The following SLC22A16 variants were observed in gnomAD, a reference collection of about 807,000 sequenced individuals.
SLC22A16 encodes the protein solute carrier family 22 member 16, also known as WUGSC:RG331P03.1.
In SLC22A16, 53 loss-of-function variants were observed where a neutral mutation model predicts 52.9. That is an observed-to-expected ratio of 1.00 (90% CI 0.80 to 1.26). The LOEUF (loss-of-function observed/expected upper bound fraction) is 1.26, where lower values mean the gene tolerates loss of function less well. SLC22A16 is among the 50% of genes most tolerant of loss of function. SLC22A16 has a pLI of 0.00. For missense variants in SLC22A16, 726 were observed against 704.0 expected, an observed-to-expected ratio of 1.03 and a Z score of -0.35; for synonymous variants, 291 against 268.8, an observed-to-expected ratio of 1.08 and a Z score of -0.81.
At chr6:110,429,809 T>C (rs751306252) in intron 7 of SLC22A16, among the ~76,000 whole-genome samples, 60 of 152,120 alleles carry the variant, frequency 3.9e-4, no homozygotes, top group Non-Finnish European at 7.2e-4. Context: ...GCTGGCCTCC[T>C]GGAAAGCGGA....
chr6:110,430,439 A>G (rs1312801774), intron 7 of SLC22A16, among the ~76,000 whole-genome samples: 1 of 152,008 alleles, frequency 6.6e-6, no homozygotes, highest in Non-Finnish European at 1.5e-5. Context: ...GGAATCCGGC[A>G]GCCTGAGTCT....
chr6:110,435,876 G>A lies in SLC22A16; in HGVS notation c.1397C>T (p.Ala466Val), dbSNP rs755106539. The A allele has an allele frequency of 8.1e-6, 13 of 1,612,914 alleles. No homozygotes were observed. The highest frequency in any genetic ancestry group is 1.7e-5 in the Admixed American group (1 of 59,940). ...AAFGLIYLYT[A>V]ELYPTIVRSL... ...CCTTACAATGGTTGGATACAGCTCA[G>A]CTGTATAAAGATAAATGAGGCCAAA... Residue 466 changes from alanine (A) to valine (V), a missense_variant, in exon 6 of 8, where the codon GCT becomes GTT. Physicochemically the swap from Ala to Val is moderately conservative, Grantham distance 64. Transcript: ENST00000368919.
At chr6:110,450,505 G>A (rs926236614) in intron 2 of SLC22A16, among the ~76,000 whole-genome samples, 1 of 151,340 alleles carries the variant, frequency 6.6e-6, no homozygotes, top group Non-Finnish European at 1.5e-5. Flanking sequence ...CCAGCTACTC[G>A]GGAGGCTGAG....
At chr6:110,446,463 G>A (rs958129822) in intron 3 of SLC22A16, among the ~76,000 whole-genome samples, 11 of 152,094 alleles carry the variant, frequency 7.2e-5, no homozygotes, top group East Asian at 1.9e-4. Flanking sequence ...CTAAACTGCC[G>A]TTCCTGGTAA....
chr6:110,452,480 A>G (rs187426474), intron 2 of SLC22A16, among the ~76,000 whole-genome samples: 1 of 152,244 alleles, frequency 6.6e-6, no homozygotes. Context: ...AATGCTAAGT[A>G]GAAGACATGT....
At chr6:110,430,298 C>A (rs970958173) in intron 7 of SLC22A16, among the ~76,000 whole-genome samples, 1 of 152,012 alleles carries the variant, frequency 6.6e-6, no homozygotes, top group African/African-American at 2.4e-5. Flanking sequence ...GTGTCACTGG[C>A]CAGTTCTACT....
chr6:110,460,269 A>G lies in SLC22A16; in HGVS notation c.54-3252T>C, dbSNP rs148792750. 2.3e-4 allele frequency among the ~76,000 whole-genome samples: 35 copies of G among 152,266 alleles called. No individual in the cohort carries two copies. The East Asian group carries it at 6.2e-3, about 27-fold the overall frequency. On this transcript the variant is annotated intron_variant, in intron 1 of 7. Coordinates refer to ENST00000368919, the MANE Select transcript of SLC22A16 (RefSeq NM_033125.4). Reference sequence around the variant, plus strand: ...TCTCAAGAGCCTCTATATTTTTACAAATTTTGAGGATTCCAAAAGGACTTT... The same window carrying G: ...TCTCAAGAGCCTCTATATTTTTACAGATTTTGAGGATTCCAAAAGGACTTT...
intron 3 of SLC22A16, 63 bp downstream of exon 3, chr6:110,446,810 T>C (rs1452888295): frequency 2.1e-6 from 3 of 1,410,368 alleles, no homozygotes; most frequent in Admixed American, 2.0e-5. Context: ...AGCAAAATGA[T>C]GAGAGTTAAG....
intron 2 of SLC22A16, 184 bp downstream of exon 2, chr6:110,456,354 A>G (rs1423514141): frequency 4.9e-6 from 4 of 809,058 alleles, no homozygotes; most frequent in Non-Finnish European, 7.8e-6. Context: ...GGATCTAGGT[A>G]TACTGTCTTC....
chr6:110,425,190 T>C, intron 7 of SLC22A16, 105 bp from the exon 8 acceptor site: 1 of 1,537,686 alleles, frequency 6.5e-7, no homozygotes, highest in African/African-American at 1.4e-5. Context: ...GATTTGAATT[T>C]GACATAACAG....
chr6:110,434,185 G>GCCAAGATCACACCAATT (rs1355529341), intron 6 of SLC22A16, among the ~76,000 whole-genome samples: 2 of 152,116 alleles, frequency 1.3e-5, no homozygotes, highest in Non-Finnish European at 2.9e-5. Context: ...GTTGCAGTGA[G>GCCAAGATCACACCAATT]CCAAGATCAC....
chr6:110,473,708 G>C (rs1380029675), intron 1 of SLC22A16, among the ~76,000 whole-genome samples: 3 of 151,016 alleles, frequency 2.0e-5, no homozygotes, highest in African/African-American at 7.3e-5. Context: ...TGTATTTTTA[G>C]TGGAGACTTG....
chr6:110,447,565 T>A (rs1365912615), intron 2 of SLC22A16, among the ~76,000 whole-genome samples: 1 of 152,248 alleles, frequency 6.6e-6, no homozygotes, highest in Non-Finnish European at 1.5e-5. Context: ...TGGTTTTTAG[T>A]ATATTTGCAA....
chr6:110,457,471 C>T lies in SLC22A16; in HGVS notation c.54-454G>A, dbSNP rs1283668401. On this transcript the variant is annotated intron_variant, in intron 1 of 7. Transcript: ENST00000368919. Reference sequence around the variant, plus strand: ...CAGTGGCCAGCTGTGGGTGGCAAGCCACCCAGGTGCCGAGGCAAGAGACCG... The same window carrying T: ...CAGTGGCCAGCTGTGGGTGGCAAGCTACCCAGGTGCCGAGGCAAGAGACCG... 2.0e-5 allele frequency among the ~76,000 whole-genome samples: 3 copies of T among 152,192 alleles called. No individual in the cohort carries two copies. The East Asian group carries it at 5.8e-4, about 29-fold the overall frequency.
intron 1 of SLC22A16, chr6:110,476,221 G>A (rs1776469387): frequency 1.7e-6 from 1 of 604,478 alleles, no homozygotes; most frequent in African/African-American, 2.6e-5. Context: ...TCTCCAGCCA[G>A]ATGCCTCCAG....
intron 3 of SLC22A16, 135 bp downstream of exon 3, chr6:110,446,738 C>G (rs1215941997): frequency 1.3e-6 from 1 of 760,430 alleles, no homozygotes; most frequent in East Asian, 2.5e-5. Context: ...ATTCTGTAGG[C>G]AGACTTCTGC....
intron 7 of SLC22A16, among the ~76,000 whole-genome samples, chr6:110,428,232 T>C (rs1212934429): frequency 6.6e-6 from 1 of 152,072 alleles, no homozygotes; most frequent in Admixed American, 6.5e-5. Context: ...TAAACAAGTT[T>C]AATGGGAAAT....
At position 110,442,409 on chromosome 6, in the gene SLC22A16, C is replaced by A. The variant is rs1469464174; in HGVS notation, c.1018G>T (p.Glu340Ter). The A allele has an allele frequency of 1.4e-5, 22 of 1,614,116 alleles. No homozygotes were observed. The highest frequency in any genetic ancestry group is 1.7e-5 in the Admixed American group (1 of 60,014). ...TATGATAGGTTGTGCTTCTGAACTT[C>A]AGTGGGGCTATTACTAACAGGACCT... ...LQGPVSNSPT[E>*]VQKHNLSYLF... Residue 340 changes from glutamate (E) to a stop codon, truncating the protein, a stop_gained, in exon 4 of 8, where the codon GAA (glutamate) becomes TAA (stop). Coordinates refer to ENST00000368919, the MANE Select transcript of SLC22A16 (RefSeq NM_033125.4). LOFTEE classifies it high-confidence loss of function.
chr6:110,442,671 A>C lies in SLC22A16; in HGVS notation c.756T>G (p.Val252=). 6.2e-7 allele frequency: 1 copy of C among 1,614,158 alleles called. No homozygotes were observed. Among genetic ancestry groups the C allele is most frequent in the Non-Finnish European group, 8.5e-7 (1 of 1,179,994 alleles). The change falls in exon 4 of 8, where the codon GTT becomes GTG. Residue 252 remains valine (V), a synonymous_variant. Transcript: ENST00000368919. ...ASVHLHSFFA[V]GTLLVALTGY... ...CTGTCAAAGCCACCAGCAGGGTTCC[A>C]ACTGCAAAAAAGGAATGCAAATGGA...
Sources: gnomAD v4.1 joint callset for allele counts (sites outside exome capture counted in the v4.1 genomes callset) on GRCh38, gnomAD v4.1.1 for gene constraint, MANE v1.5 for transcripts, NCBI Gene and HGNC (gene_info 2026-07-23, HGNC 2026-07-21) for gene names.